The following HLCS variants were observed in gnomAD, a reference collection of about 807,000 sequenced individuals.
The protein encoded by HLCS is biotin--protein ligase.
In HLCS, 53 loss-of-function variants were observed where a neutral mutation model predicts 75.0. That is an observed-to-expected ratio of 0.71 (90% CI 0.57 to 0.89). The LOEUF is 0.89. Among genes scored for constraint, HLCS ranks in the 40% least tolerant of loss-of-function variants. The pLI, the probability that HLCS is intolerant of heterozygous loss-of-function variation, is 0.00. For synonymous variants in HLCS, 431 were observed against 428.6 expected, an observed-to-expected ratio of 1.01 and a Z score of -0.07; for missense variants, 966 against 1,074.0, an observed-to-expected ratio of 0.90 and a Z score of 1.41.
chr21:36,898,743 T>C (rs370841445), intron 5 of HLCS, among the ~76,000 whole-genome samples: 2 of 152,158 alleles, frequency 1.3e-5, no homozygotes, highest in East Asian at 1.9e-4. Flanking sequence ...CTGGAATTAC[T>C]GTCAGTTTTA....
intron 6 of HLCS, among the ~76,000 whole-genome samples, chr21:36,793,551 C>T (rs757074600): frequency 2.6e-5 from 4 of 152,108 alleles, no homozygotes; most frequent in Non-Finnish European, 4.4e-5. Flanking sequence ...CCACCCGCCT[C>T]GGCCTCCCAA....
intron 2 of HLCS, among the ~76,000 whole-genome samples, chr21:36,946,463 A>G (rs1208381393): frequency 6.6e-6 from 1 of 151,954 alleles, no homozygotes; most frequent in Non-Finnish European, 1.5e-5. Context: ...GCTGGTCTCA[A>G]ACTCCTGAGC....
Position 36,756,708 on chromosome 21 carries a change from C to T in HLCS, c.2284G>A (p.Asp762Asn), listed in dbSNP as rs771919753. 4.3e-6 allele frequency: 7 copies of T among 1,613,938 alleles called. No homozygotes were observed. The South Asian group carries it at 4.4e-5, about 10-fold the overall frequency. The change falls in exon 10 of 11, where the codon GAC (aspartate) becomes AAC (asparagine). Residue 762 changes from aspartate (D) to asparagine (N), a missense_variant. Coordinates refer to ENST00000674895, the MANE Select transcript of HLCS (RefSeq NM_001352514.2). ...TGTTTATTGTATTCTGTGATGAGGT[C>T]GTTGATGCAGATGGTAGGGTTACTG... ...TNSNPTICIN[D>N]LITEYNKQHK...
chr21:36,798,765 T>C (rs2061107295), intron 6 of HLCS, among the ~76,000 whole-genome samples: 1 of 152,246 alleles, frequency 6.6e-6, no homozygotes, highest in African/African-American at 2.4e-5. Context: ...ATAGTGTTAA[T>C]TTGCATTTCT....
intron 6 of HLCS, among the ~76,000 whole-genome samples, chr21:36,861,947 C>T (rs554407401): frequency 6.6e-6 from 1 of 152,306 alleles, no homozygotes; most frequent in African/African-American, 2.4e-5. Flanking sequence ...CTCCACCCCC[C>T]TCAACCAATC....
At chr21:36,822,232 C>A (rs1451049256) in intron 6 of HLCS, among the ~76,000 whole-genome samples, 2 of 152,024 alleles carry the variant, frequency 1.3e-5, no homozygotes, top group Non-Finnish European at 1.5e-5. Context: ...CCAGCCTGGC[C>A]AACATGGCAA....
intron 6 of HLCS, among the ~76,000 whole-genome samples, chr21:36,797,631 C>T (rs1369325023): frequency 6.6e-6 from 1 of 152,140 alleles, no homozygotes; most frequent in Non-Finnish European, 1.5e-5. Flanking sequence ...TGCATCTGCA[C>T]TTATTCTTGG....
chr21:36,828,072 C>T (rs1425929832), intron 6 of HLCS, among the ~76,000 whole-genome samples: 1 of 152,106 alleles, frequency 6.6e-6, no homozygotes, highest in Non-Finnish European at 1.5e-5. Flanking sequence ...CTTGGCCCCC[C>T]AAAGTGCTGG....
At chr21:36,754,723 C>A (rs149641058) in intron 10 of HLCS, among the ~76,000 whole-genome samples, 11 of 152,146 alleles carry the variant, frequency 7.2e-5, no homozygotes, top group Non-Finnish European at 1.5e-4. Flanking sequence ...CACCTCCCAG[C>A]GCTTTTAAGA....
intron 5 of HLCS, among the ~76,000 whole-genome samples, chr21:36,915,768 T>A (rs944437572): frequency 1.3e-5 from 2 of 150,668 alleles, no homozygotes; most frequent in Non-Finnish European, 2.9e-5. Flanking sequence ...TTTAACATGA[T>A]TGTTAAGAAT....
At chr21:36,913,298 T>A (rs978841251) in intron 5 of HLCS, among the ~76,000 whole-genome samples, 3 of 152,110 alleles carry the variant, frequency 2.0e-5, no homozygotes, top group African/African-American at 7.2e-5. Context: ...ATGCAGCAAA[T>A]TAGGAAATGC....
intron 5 of HLCS, among the ~76,000 whole-genome samples, chr21:36,923,998 T>C (rs1304304303): frequency 6.6e-6 from 1 of 152,224 alleles, no homozygotes; most frequent in African/African-American, 2.4e-5. Context: ...TGCCGTATTG[T>C]AAAACAGCCG....
upstream of HLCS, among the ~76,000 whole-genome samples, chr21:36,970,388 A>C (rs1196417199): frequency 6.6e-6 from 1 of 152,032 alleles, no homozygotes; most frequent in African/African-American, 2.4e-5. Flanking sequence ...ATGAGCCACC[A>C]CACCTGGCTA....
intron 6 of HLCS, among the ~76,000 whole-genome samples, chr21:36,850,487 CCCAAGCT>C (rs2062957506): frequency 1.3e-5 from 2 of 152,188 alleles, no homozygotes; most frequent in Admixed American, 6.5e-5. Context: ...ACCCCCAAGC[CCCAAGCT>C]CCACAGGCTT....
chr21:36,850,886 C>T (rs2146138176), intron 6 of HLCS, among the ~76,000 whole-genome samples: 1 of 152,218 alleles, frequency 6.6e-6, no homozygotes, highest in South Asian at 2.1e-4. Context: ...ACAAGCCAGC[C>T]AGGGAAGCAA....
In HLCS at chr21:36,966,669, T is replaced by C. The variant is rs9980304; in HGVS notation, c.-31A>G. On this transcript the variant is annotated 5_prime_UTR_variant, in exon 1 of 11. Transcript: ENST00000674895. ...CGCCGCCGGCAGGGCGAGCCCGCCT[T>C]GCCCGCCCGCCCCAGCGCCCCAGGC... The C allele has an allele frequency of 0.62, 597,750 of 968,202 alleles. 184,698 individuals are homozygous for C. Among genetic ancestry groups the C allele is most frequent in the East Asian group, 0.75 (6,440 of 8,566 alleles). 60.0% of individuals were successfully genotyped at this position (968,202 alleles called of 1,614,324 possible).
At chr21:36,853,447 C>A (rs757267513) in intron 6 of HLCS, among the ~76,000 whole-genome samples, 2 of 152,112 alleles carry the variant, frequency 1.3e-5, no homozygotes, top group Non-Finnish European at 2.9e-5. Flanking sequence ...ATGTGCAGAT[C>A]AAGGTTTTTA....
At chr21:36,899,968 C>T (rs957264156) in intron 5 of HLCS, among the ~76,000 whole-genome samples, 14 of 151,630 alleles carry the variant, frequency 9.2e-5, no homozygotes, top group Admixed American at 3.9e-4. Flanking sequence ...AGCCATGCAT[C>T]GTGGTGGGTG....
intron 6 of HLCS, among the ~76,000 whole-genome samples, chr21:36,771,727 G>A (rs1013830246): frequency 1.3e-5 from 2 of 152,104 alleles, no homozygotes; most frequent in Non-Finnish European, 2.9e-5. Context: ...GGCCGGGCGC[G>A]GTGGCTCACG....
Sources: allele counts gnomAD v4.1 joint callset (sites outside exome capture counted in the v4.1 genomes callset), GRCh38; gene constraint gnomAD v4.1.1; transcripts MANE v1.5; gene names NCBI Gene and HGNC (gene_info 2026-07-23, HGNC 2026-07-21).